The following NISCH variants were observed in gnomAD, a reference collection of about 807,000 sequenced individuals.
The protein encoded by NISCH is I-1 receptor candidate protein.
A neutral mutation model predicts 138.4 loss-of-function variants in NISCH; 55 were observed. The observed-to-expected ratio is 0.40, with a 90% confidence interval of 0.32 to 0.50. NISCH has a LOEUF of 0.50. Ranked by LOEUF, NISCH falls within the 20% of genes least tolerant of loss-of-function variation. The probability of loss-of-function intolerance (pLI) is 0.71; values close to 1 mark genes in which losing one functional copy is unlikely to be tolerated. For missense variants in NISCH, 1,643 were observed against 2,005.5 expected, an observed-to-expected ratio of 0.82 and a Z score of 3.45; for synonymous variants, 860 against 861.5, an observed-to-expected ratio of 1.00 and a Z score of 0.03.
intron 12 of NISCH, 27 bp downstream of exon 12, chr3:52,479,889 C>A: frequency 6.4e-7 from 1 of 1,557,246 alleles, no homozygotes; most frequent in Non-Finnish European, 8.8e-7. Flanking sequence ...GGTGGGAGGG[C>A]AGTGGTGCAG....
chr3:52,472,221 G>A, intron 5 of NISCH, 82 bp from the exon 6 acceptor site: 3 of 1,333,076 alleles, frequency 2.3e-6, no homozygotes, highest in Non-Finnish European at 2.2e-6. Context: ...GGTCAAAGTT[G>A]TCTTCAACTT....
Position 52,487,162 on chromosome 3 carries a change from C to CA in NISCH, c.1704-33dup. Reference sequence around the variant, plus strand: ...GGTGGGAGGTGGGAGGGGCCCCTCCCAGCATGCCACTGACCTGGCCTCTCC... The same window carrying CA: ...GGTGGGAGGTGGGAGGGGCCCCTCCCAAGCATGCCACTGACCTGGCCTCTCC... On this transcript the variant is annotated intron_variant, in intron 15 of 20. Transcript: ENST00000345716. This position sits in a 1 kb window ranked among gnomAD's most constrained non-coding sequence, Gnocchi z 9.1. 1 of 1,582,430 alleles carries CA rather than the reference C, an allele frequency of 6.3e-7. No homozygotes were observed. Among genetic ancestry groups the CA allele is most frequent in the Non-Finnish European group, 8.6e-7 (1 of 1,161,080 alleles).
intron 3 of NISCH, among the ~76,000 whole-genome samples, chr3:52,464,833 A>G (rs966261320): frequency 6.7e-6 from 1 of 148,508 alleles, no homozygotes; most frequent in South Asian, 2.2e-4. Flanking sequence ...CTGCCCAGCT[A>G]ATTTTTCTAT....
At position 52,485,865 on chromosome 3, in the gene NISCH, C is replaced by CA; in HGVS notation, c.1703+39dup. ...TTGGAAAGGGACCTGGGCCTGGCCA[C>CA]ACAGCCTTATGCACACACACTGCTG... On this transcript the variant is annotated intron_variant, in intron 15 of 20. Transcript: ENST00000345716. 1.9e-6 allele frequency: 3 copies of CA among 1,555,686 alleles called. No homozygotes were observed. In the South Asian group the frequency reaches 3.5e-5, roughly 18 times the overall value.
intron 10 of NISCH, 52 bp from the exon 11 acceptor site, chr3:52,478,397 T>A (rs1226007252): frequency 4.3e-6 from 7 of 1,611,370 alleles, no homozygotes; most frequent in African/African-American, 1.3e-5. Context: ...GTTGGCGTGT[T>A]GCTGAAGTGT....
At chr3:52,473,519 G>A (rs371101168) in intron 6 of NISCH, among the ~76,000 whole-genome samples, 172 of 152,278 alleles carry the variant, frequency 1.1e-3, no homozygotes, top group African/African-American at 3.9e-3. Flanking sequence ...TGAGTCTGAG[G>A]GGCCAGGCAC....
Position 52,478,461 on chromosome 3 carries a change from C to A in NISCH, c.1186C>A (p.Arg396=), listed in dbSNP as rs200373254. 3.7e-6 allele frequency: 6 copies of A among 1,614,040 alleles called. No homozygotes were observed. The South Asian group carries it at 5.5e-5, about 15-fold the overall frequency. ...DNRIEQMEEV[R]SIGSLPCLEH... is the part of the protein sequence containing the mutation. The stretch of plus-strand genomic sequence containing the variant: ...TCATACCTTGCAGATGGAGGAGGTC[C>A]GGAGCATAGGCAGCCTCCCGTGTCT... The change falls in exon 11 of 21, where the codon CGG becomes AGG. Residue 396 remains arginine, a synonymous_variant. Coordinates refer to ENST00000345716, the MANE Select transcript of NISCH (RefSeq NM_007184.4).
chr3:52,480,847 C>T (rs1243069744), intron 13 of NISCH: 17 of 1,533,408 alleles, frequency 1.1e-5, no homozygotes, highest in Middle Eastern at 3.4e-4. Context: ...ACTATCTTAG[C>T]GTTTTCAAAG....
rs1282063734 is a variant in NISCH at position 52,487,405 on chromosome 3, A to G, written c.1913A>G (p.Glu638Gly). The G allele has an allele frequency of 3.1e-6, 5 of 1,612,874 alleles. No homozygotes were observed. The highest frequency in any genetic ancestry group is 3.4e-6 in the Non-Finnish European group (4 of 1,179,182). The change falls in exon 16 of 21, where the codon GAG (glutamate) becomes GGG (glycine). Residue 638 changes from glutamate to glycine, a missense_variant. Transcript: ENST00000345716. The surrounding 1 kb of genome is among the most constrained non-coding windows in gnomAD (Gnocchi z 9.1). ...REEGQGEQGE[E>G]EDEEEEEEED... ...GAGGGCCAGGGTGAACAGGGCGAGG[A>G]GGAGGATGAGGAGGAGGAAGAAGAG...
At chr3:52,467,808 A>G (rs1706830614) in intron 3 of NISCH, among the ~76,000 whole-genome samples, 1 of 152,126 alleles carries the variant, frequency 6.6e-6, no homozygotes, top group Admixed American at 6.6e-5. Flanking sequence ...TTTCTTTTAG[A>G]GAGACAGGGT....
In NISCH at chr3:52,478,496, G is replaced by A; in HGVS notation, c.1221G>A (p.Val407=). 2 of 1,614,226 alleles carry A rather than the reference G, an allele frequency of 1.2e-6. No individual in the cohort carries two copies. The highest frequency in any genetic ancestry group is 1.7e-5 in the Admixed American group (1 of 60,026). The change falls in exon 11 of 21, where the codon GTG becomes GTA. Residue 407 remains valine, a synonymous_variant. Transcript: ENST00000345716. ...GCAGCCTCCCGTGTCTGGAGCACGTGTCTCTGCTGAACAACCCTCTGAGCA... is the reference window on the plus strand; with the variant it reads ...GCAGCCTCCCGTGTCTGGAGCACGTATCTCTGCTGAACAACCCTCTGAGCA... ...SIGSLPCLEH[V]SLLNNPLSII...
At chr3:52,469,938 G>A (rs994150710) in intron 3 of NISCH, among the ~76,000 whole-genome samples, 1 of 148,520 alleles carries the variant, frequency 6.7e-6, no homozygotes, top group East Asian at 2.0e-4. Context: ...AAAAAAAAAA[G>A]CAGGTTGTGC....
At chr3:52,483,903 C>T (rs1380577796) in intron 13 of NISCH, among the ~76,000 whole-genome samples, 1 of 152,270 alleles carries the variant, frequency 6.6e-6, no homozygotes, top group Non-Finnish European at 1.5e-5. Context: ...GGCCTCTGCC[C>T]AGCGAGGTCA....
intron 3 of NISCH, among the ~76,000 whole-genome samples, chr3:52,461,316 A>G (rs1706626090): frequency 6.6e-6 from 1 of 152,228 alleles, no homozygotes; most frequent in South Asian, 2.1e-4. Context: ...GGATCACTAA[A>G]GAGCCTAGAA....
At chr3:52,476,412 C>G in intron 7 of NISCH, 35 bp from the exon 8 acceptor site, 1 of 1,608,636 alleles carries the variant, frequency 6.2e-7, no homozygotes, top group Non-Finnish European at 8.5e-7. Context: ...CGTGAGGGCC[C>G]GAGTGTGGTG....
chr3:52,478,138 G>C lies in NISCH; in HGVS notation c.1029G>C (p.Lys343Asn). ...TGCATCTGGACCTGTCCTACAACAA[G>C]CTCTCCTCCTTGGAAGGGCTTCACA... ...NLVHLDLSYN[K>N]LSSLEGLHTK... Residue 343 changes from lysine (K) to asparagine (N), a missense_variant, in exon 10 of 21, where the codon AAG (lysine) becomes AAC (asparagine). Lys to Asn is a moderately conservative substitution (Grantham distance 94). Transcript: ENST00000345716. The C allele has an allele frequency of 6.2e-7, 1 of 1,614,084 alleles. No homozygotes were observed. Among genetic ancestry groups the C allele is most frequent in the South Asian group, 1.1e-5 (1 of 91,076 alleles).
intron 16 of NISCH, among the ~76,000 whole-genome samples, chr3:52,488,820 A>G (rs1011604909): frequency 1.3e-5 from 2 of 151,902 alleles, no homozygotes; most frequent in Non-Finnish European, 2.9e-5. Context: ...AGCCCAGGAA[A>G]GCTGTCCTCT....
chr3:52,483,226 C>T (rs772685712), intron 13 of NISCH, among the ~76,000 whole-genome samples: 13 of 152,208 alleles, frequency 8.5e-5, no homozygotes, highest in African/African-American at 3.1e-4. Flanking sequence ...CTGCCTGCCT[C>T]GCTTGTGGGC....
intron 14 of NISCH, 152 bp from the exon 15 acceptor site, chr3:52,485,626 C>A: frequency 1.3e-6 from 1 of 793,534 alleles, no homozygotes; most frequent in South Asian, 1.7e-5. Context: ...GCCCCAGGGT[C>A]CCAGAGTGGG....
Sources: allele counts gnomAD v4.1 joint callset (sites outside exome capture counted in the v4.1 genomes callset), GRCh38; gene constraint gnomAD v4.1.1; non-coding constraint Gnocchi (gnomAD v3.1); transcripts MANE v1.5; gene names NCBI Gene and HGNC (gene_info 2026-07-23, HGNC 2026-07-21).